Variants in DPH6 observed in about 807,000 individuals in gnomAD.
DPH6 encodes the protein diphthine--ammonia ligase.
A neutral mutation model predicts 38.2 loss-of-function variants in DPH6; 33 were observed. The ratio of observed to expected loss-of-function variants is 0.86; its 90% confidence interval spans 0.65 to 1.15. DPH6 has a LOEUF of 1.15. DPH6 is among the 50% of genes most tolerant of loss of function. The probability of loss-of-function intolerance (pLI) is 0.00; values close to 1 mark genes in which losing one functional copy is unlikely to be tolerated. For synonymous variants in DPH6, 108 were observed against 103.0 expected, an observed-to-expected ratio of 1.05 and a Z score of -0.30; for missense variants, 325 against 320.0, an observed-to-expected ratio of 1.02 and a Z score of -0.12.
In DPH6 at chr15:35,436,479, A is replaced by AAAAAC. The variant is rs1294836329; in HGVS notation, c.505+14201_505+14205dup. ...AGACTCCGTCTCAAACAAAACAAAC[A>AAAAAC]AAAACAAAACAAAACAAAACAAAAC... On this transcript the variant is annotated intron_variant, in intron 5 of 8. Coordinates refer to ENST00000256538, the MANE Select transcript of DPH6 (RefSeq NM_080650.4). Among the ~76,000 whole-genome samples, 103 of 81,842 alleles carry AAAAAC rather than the reference A, an allele frequency of 1.3e-3. 5 individuals are homozygous for AAAAAC. Among genetic ancestry groups the AAAAAC allele is most frequent in the African/African-American group, 7.4e-3 (97 of 13,174 alleles). The allele number at this position is 81,842 out of a possible 152,430, so 53.7% of individuals were successfully genotyped here. A position where few individuals can be genotyped will look rare whatever the true frequency, so the allele number is the denominator to read the frequency against.
chr15:35,441,438 AAGAAAAT>A (rs1440792716), intron 5 of DPH6, among the ~76,000 whole-genome samples: 1 of 152,240 alleles, frequency 6.6e-6, no homozygotes, highest in Non-Finnish European at 1.5e-5. Context: ...AGACTGGATA[AAGAAAAT>A]GTGGCACATA....
At position 35,468,136 on chromosome 15, in the gene DPH6, C is replaced by T. The variant is rs146880982; in HGVS notation, c.313-13316G>A. Among the ~76,000 whole-genome samples the T allele has an allele frequency of 3.1e-3, 475 of 152,298 alleles. 7 individuals carry two copies. Among genetic ancestry groups the T allele is most frequent in the African/African-American group, 0.011 (459 of 41,570 alleles). On this transcript the variant is annotated intron_variant, in intron 3 of 8. Coordinates refer to ENST00000256538, the MANE Select transcript of DPH6 (RefSeq NM_080650.4). Reference sequence around the variant, plus strand: ...CAATCTGCTTCAACATTCAGTCACCCAAACTGAATTTACCAAGAAACTATC... The same window carrying T: ...CAATCTGCTTCAACATTCAGTCACCTAAACTGAATTTACCAAGAAACTATC...
intron 3 of DPH6, among the ~76,000 whole-genome samples, chr15:35,249,013 G>A (rs2051654610): frequency 6.6e-6 from 1 of 152,164 alleles, no homozygotes; most frequent in Non-Finnish European, 1.5e-5. Context: ...AATAAACATG[G>A]AGAGATTGCA....
At chr15:35,496,234 G>A (rs1173397510) in intron 3 of DPH6, among the ~76,000 whole-genome samples, 2 of 151,800 alleles carry the variant, frequency 1.3e-5, no homozygotes, top group African/African-American at 4.8e-5. Context: ...TACAATACAC[G>A]TATCTGAAAA....
chr15:35,203,737 T>C, the DPH6 span, among the ~76,000 whole-genome samples: 1 of 151,746 alleles, frequency 6.6e-6, no homozygotes, highest in African/African-American at 2.4e-5. Flanking sequence ...CATACTGATA[T>C]TTTTCAAAAC....
chr15:35,219,056 G>T (rs1486096758), exon 4 of DPH6: 1 of 152,092 alleles, frequency 6.6e-6, no homozygotes, highest in Non-Finnish European at 1.5e-5. Context: ...TTTTAAAAAT[G>T]CTCTTAAAAT....
downstream of DPH6, among the ~76,000 whole-genome samples, chr15:35,367,788 T>A (rs1229153655): frequency 6.6e-6 from 1 of 151,724 alleles, no homozygotes; most frequent in Non-Finnish European, 1.5e-5. Context: ...AAATCAAAAT[T>A]TACACTAACA....
chr15:35,475,091 A>G (rs946969886), intron 3 of DPH6, among the ~76,000 whole-genome samples: 2 of 152,054 alleles, frequency 1.3e-5, no homozygotes, highest in African/African-American at 4.8e-5. Flanking sequence ...CAGACCTAGT[A>G]AAGTATATTT....
chr15:35,260,775 T>C (rs2051741602), intron 3 of DPH6, among the ~76,000 whole-genome samples: 1 of 152,198 alleles, frequency 6.6e-6, no homozygotes, highest in Admixed American at 6.5e-5. Flanking sequence ...TTTTAGCCTC[T>C]GACCTCAGGC....
At chr15:35,222,544 G>C (rs924973105) in intron 3 of DPH6, among the ~76,000 whole-genome samples, 1 of 151,994 alleles carries the variant, frequency 6.6e-6, no homozygotes, top group African/African-American at 2.4e-5. Context: ...TGAAGGGGGG[G>C]GTTTCAGGTC....
At chr15:35,482,178 C>T (rs973355184) in intron 3 of DPH6, among the ~76,000 whole-genome samples, 14 of 152,180 alleles carry the variant, frequency 9.2e-5, no homozygotes, top group African/African-American at 3.1e-4. Flanking sequence ...ACTGTGATCT[C>T]CTGGCAAACG....
intron 3 of DPH6, among the ~76,000 whole-genome samples, chr15:35,292,392 C>G (rs2051986001): frequency 6.6e-6 from 1 of 152,120 alleles, no homozygotes; most frequent in Non-Finnish European, 1.5e-5. Flanking sequence ...TGAAAGATAT[C>G]TAGCTTAACA....
chr15:35,406,034 T>G (rs1483366786), intron 6 of DPH6, among the ~76,000 whole-genome samples: 1 of 152,104 alleles, frequency 6.6e-6, no homozygotes, highest in Non-Finnish European at 1.5e-5. Flanking sequence ...ATGTTTTAAT[T>G]TTATATTTAA....
chr15:35,342,610 C>T (rs1747097944), intron 3 of DPH6, among the ~76,000 whole-genome samples: 1 of 152,222 alleles, frequency 6.6e-6, no homozygotes, highest in Non-Finnish European at 1.5e-5. Flanking sequence ...TTCTAATTGG[C>T]CATGTTGGCC....
intron 3 of DPH6, among the ~76,000 whole-genome samples, chr15:35,297,539 A>AT (rs980058808): frequency 6.0e-5 from 9 of 150,452 alleles, no homozygotes; most frequent in Non-Finnish European, 8.9e-5. Context: ...GAGAGACCAC[A>AT]TTTTTTTTTG....
At chr15:35,224,016 T>C (rs2051461221) in intron 3 of DPH6, among the ~76,000 whole-genome samples, 1 of 151,924 alleles carries the variant, frequency 6.6e-6, no homozygotes, top group South Asian at 2.1e-4. Flanking sequence ...TAGAACCATA[T>C]AGCATGTAGC....
At chr15:35,507,188 C>T (rs912158526) in intron 3 of DPH6, among the ~76,000 whole-genome samples, 21 of 151,520 alleles carry the variant, frequency 1.4e-4, no homozygotes, top group African/African-American at 4.6e-4. Context: ...AAGCTATTAA[C>T]GATGTCAAAT....
chr15:35,337,557 C>T (rs112472874), intron 3 of DPH6, among the ~76,000 whole-genome samples: 2,692 of 152,228 alleles, frequency 0.018, 37 homozygotes, highest in Non-Finnish European at 0.028. Context: ...GAAGAATATT[C>T]CATGCTCATG....
At chr15:35,386,296 T>C (rs926400970) in intron 6 of DPH6, among the ~76,000 whole-genome samples, 5 of 152,224 alleles carry the variant, frequency 3.3e-5, no homozygotes, top group South Asian at 2.1e-4. Flanking sequence ...TGAATAGTGC[T>C]GCAATAAACA....
Sources: allele counts gnomAD v4.1 joint callset (sites outside exome capture counted in the v4.1 genomes callset), GRCh38; gene constraint gnomAD v4.1.1; transcripts MANE v1.5; gene names NCBI Gene and HGNC (gene_info 2026-07-23, HGNC 2026-07-21).